BTBD8: variants seen among roughly 807,000 people sequenced by gnomAD.
BTBD8 encodes BTB domain containing 8, also known as BTB/POZ domain-containing protein 8.
BTBD8 carries 110 observed loss-of-function variants against 162.9 expected under a neutral mutation model. The observed-to-expected ratio is 0.68, with a 90% CI of 0.58 to 0.79. BTBD8 has a LOEUF of 0.79. BTBD8 is among the 30% of genes least tolerant of loss of function. The probability of loss-of-function intolerance (pLI) is 0.00; values close to 1 mark genes in which losing one functional copy is unlikely to be tolerated. For missense variants in BTBD8, 1,905 were observed against 2,085.4 expected (o/e 0.91, Z 1.68); for synonymous variants, 667 against 716.1 (o/e 0.93, Z 1.10).
intron 5 of BTBD8, among the ~76,000 whole-genome samples, chr1:92,136,442 T>C (rs1649637348): frequency 6.6e-6 from 1 of 152,096 alleles, no homozygotes; most frequent in South Asian, 2.1e-4. Context: ...TATTAGGTAC[T>C]ATGCTTAACA....
intron 6 of BTBD8, chr1:92,139,860 GGACGGATCACAAGATCAA>G (rs1649725350): frequency 6.8e-6 from 1 of 147,622 alleles, no homozygotes; most frequent in African/African-American, 2.5e-5. Context: ...AGGCTGAGGC[GGACGGATCACAAGATCAA>G]GAGATCGAGA....
intron 1 of BTBD8, among the ~76,000 whole-genome samples, chr1:92,083,824 G>T (rs1218933885): frequency 6.6e-6 from 1 of 152,188 alleles, no homozygotes; most frequent in Non-Finnish European, 1.5e-5. Flanking sequence ...CTTGGTGACT[G>T]ATGACATGCT....
chr1:92,180,666 G>T lies in BTBD8; in HGVS notation c.2983G>T (p.Ala995Ser). 5 of 1,551,314 alleles carry T rather than the reference G, an allele frequency of 3.2e-6. No individual in the cohort carries two copies. Among genetic ancestry groups the T allele is most frequent in the Non-Finnish European group, 4.4e-6 (5 of 1,146,908 alleles). ...GCCTCACAAACCTCTCATTAATCTT[G>T]CATCTGAAATAAGTGATGCAGAAGC... ...QKPHKPLINL[A>S]SEISDAEALQ... The change falls in exon 17 of 18, where the codon GCA becomes TCA. Residue 995 changes from alanine (A) to serine (S), a missense_variant. This residue lies in a region of BTBD8 where 1,374 missense variants were observed against 1,442.7 expected (regional missense o/e 0.95). Coordinates refer to ENST00000636805, the MANE Select transcript of BTBD8 (RefSeq NM_001376131.1).
At chr1:92,112,324 A>G (rs1648920071) in intron 4 of BTBD8, among the ~76,000 whole-genome samples, 1 of 152,126 alleles carries the variant, frequency 6.6e-6, no homozygotes, top group South Asian at 2.1e-4. Flanking sequence ...GGATCATTTG[A>G]GCCTAGGTGT....
At chr1:92,101,803 C>T (rs1648597357) in intron 2 of BTBD8, among the ~76,000 whole-genome samples, 1 of 151,726 alleles carries the variant, frequency 6.6e-6, no homozygotes, top group South Asian at 2.1e-4. Flanking sequence ...CTTAAATGAT[C>T]CTCCCACCTC....
At position 92,111,241 on chromosome 1, in the gene BTBD8, C is replaced by T. The variant is rs143521889; in HGVS notation, c.662+3240C>T. Among the ~76,000 whole-genome samples, 338 of 152,218 alleles carry T rather than the reference C, an allele frequency of 2.2e-3. 2 individuals are homozygous for T. Among genetic ancestry groups the T allele is most frequent in the Middle Eastern group, 0.01 (3 of 294 alleles). On this transcript the variant is annotated intron_variant, in intron 4 of 17. Coordinates refer to ENST00000636805, the MANE Select transcript of BTBD8 (RefSeq NM_001376131.1). ...CTCCTGACCTCGAGTAATCTGCCCACCTCAGCCTCCCAAAGTGCTAGGATT... is the reference window on the plus strand; with the variant it reads ...CTCCTGACCTCGAGTAATCTGCCCATCTCAGCCTCCCAAAGTGCTAGGATT...
intron 13 of BTBD8, among the ~76,000 whole-genome samples, chr1:92,175,329 A>G (rs2100683270): frequency 1.3e-5 from 2 of 152,010 alleles, no homozygotes; most frequent in East Asian, 3.9e-4. Flanking sequence ...AAATACAAAA[A>G]TTAGCTGGGC....
chr1:92,143,203 T>C (rs1415180648), intron 7 of BTBD8, among the ~76,000 whole-genome samples: 1 of 152,188 alleles, frequency 6.6e-6, no homozygotes, highest in Non-Finnish European at 1.5e-5. Context: ...CTCATGTTAG[T>C]GTCTTCTCTG....
chr1:92,088,747 A>G lies in BTBD8; in HGVS notation c.199A>G (p.Thr67Ala), dbSNP rs775390943. ...HTDVTFSVGC[T>A]LFKAHKAVLL... Reference sequence around the variant, plus strand: ...AGATGTTACCTTCTCTGTGGGTTGTACTTTGTTCAAAGCACACAAAGCAGT... The same window carrying G: ...AGATGTTACCTTCTCTGTGGGTTGTGCTTTGTTCAAAGCACACAAAGCAGT... Residue 67 changes from threonine to alanine, a missense_variant, in exon 2 of 18, where the codon ACT becomes GCT. Transcript: ENST00000636805. 1.9e-5 allele frequency: 30 copies of G among 1,612,596 alleles called. No individual in the cohort carries two copies. The highest frequency in any genetic ancestry group is 2.5e-5 in the Non-Finnish European group (29 of 1,179,108).
rs1268897991 is a variant in BTBD8 at position 92,180,666 on chromosome 1, G to A, written c.2983G>A (p.Ala995Thr). The A allele has an allele frequency of 7.7e-6, 12 of 1,551,196 alleles. No homozygotes were observed. The highest frequency in any genetic ancestry group is 2.7e-5 in the African/African-American group (2 of 72,980). ...QKPHKPLINLASEISDAEALQ... is the reference protein window; with the variant it reads ...QKPHKPLINLTSEISDAEALQ... Reference sequence around the variant, plus strand: ...GCCTCACAAACCTCTCATTAATCTTGCATCTGAAATAAGTGATGCAGAAGC... The same window carrying A: ...GCCTCACAAACCTCTCATTAATCTTACATCTGAAATAAGTGATGCAGAAGC... The change falls in exon 17 of 18, where the codon GCA becomes ACA. Residue 995 changes from alanine to threonine, a missense_variant. Ala to Thr is a moderately conservative substitution (Grantham distance 58). Coordinates refer to ENST00000636805, the MANE Select transcript of BTBD8 (RefSeq NM_001376131.1).
Position 92,183,824 on chromosome 1 carries a change from G to C in BTBD8, c.4913-40G>C, listed in dbSNP as rs146614434. 4,263 of 1,386,508 alleles carry C rather than the reference G, an allele frequency of 3.1e-3. 23 individuals carry two copies. Among genetic ancestry groups the C allele is most frequent in the Middle Eastern group, 0.01 (40 of 3,868 alleles). The allele number at this position is 1,386,508 out of a possible 1,614,324, so 85.9% of individuals were successfully genotyped here. On this transcript the variant is annotated intron_variant, in intron 17 of 17. Transcript: ENST00000636805. ...TCTACAAAACTCTGAGGGTACCAACGTGCAATTTTTACATTGTGTAGTATT... is the reference window on the plus strand; with the variant it reads ...TCTACAAAACTCTGAGGGTACCAACCTGCAATTTTTACATTGTGTAGTATT...
intron 2 of BTBD8, among the ~76,000 whole-genome samples, chr1:92,097,833 A>G (rs1238817645): frequency 6.6e-6 from 1 of 152,258 alleles, no homozygotes; most frequent in African/African-American, 2.4e-5. Context: ...GTCATACTAA[A>G]GGCTATGATT....
At chr1:92,172,291 A>G (rs1462153374) in intron 13 of BTBD8, among the ~76,000 whole-genome samples, 1 of 152,176 alleles carries the variant, frequency 6.6e-6, no homozygotes, top group African/African-American at 2.4e-5. Context: ...GAGTTGTTCA[A>G]TGAGTACAGA....
In BTBD8 at chr1:92,167,859, G is replaced by A. The variant is rs1557462578; in HGVS notation, c.1317G>A (p.Met439Ile). ...NFALLLQSQA[M>I]SSTADLLDTI... ...TCTGTGTTTTATAGTCACAAGCAAT[G>A]AGCAGCACAGCCGATCTGTTGGACA... Residue 439 changes from methionine to isoleucine, a missense_variant, in exon 11 of 18, where the codon ATG becomes ATA. Around this residue, in one of 3 missense-constraint regions of BTBD8, gnomAD observed 1,374 missense variants for 1,442.7 expected, o/e 0.95. Transcript: ENST00000636805. 2 of 1,549,526 alleles carry A rather than the reference G, an allele frequency of 1.3e-6. No homozygotes were observed. Among genetic ancestry groups the A allele is most frequent in the Admixed American group, 3.9e-5 (2 of 50,898 alleles).
chr1:92,149,964 C>G (rs1247473523), intron 9 of BTBD8, among the ~76,000 whole-genome samples: 3 of 152,170 alleles, frequency 2.0e-5, no homozygotes, highest in African/African-American at 7.2e-5. Context: ...CTTTCCTCTT[C>G]TCATCTGCCT....
chr1:92,165,372 A>G (rs1650362022), intron 9 of BTBD8, among the ~76,000 whole-genome samples: 1 of 152,202 alleles, frequency 6.6e-6, no homozygotes, highest in African/African-American at 2.4e-5. Flanking sequence ...GACATTAAAT[A>G]GTAATGTTCA....
chr1:92,108,147 AT>A, intron 4 of BTBD8, 146 bp downstream of exon 4: 1 of 781,602 alleles, frequency 1.3e-6, no homozygotes, highest in East Asian at 2.5e-5. Context: ...TTCCACTGTG[AT>A]TCCTCAGGGG....
At chr1:92,106,660 CAAAAAAAAAAAAA>C (rs60676530) in intron 3 of BTBD8, among the ~76,000 whole-genome samples, 41 of 9,952 alleles carry the variant, frequency 4.1e-3, no homozygotes, top group Middle Eastern at 0.056. Context: ...GACTCTGTCT[CAAAAAAAAAAAAA>C]AAAAAAAAAA....
intron 5 of BTBD8, 139 bp from the exon 6 acceptor site, chr1:92,139,211 A>G: frequency 2.5e-6 from 2 of 804,654 alleles, no homozygotes; most frequent in South Asian, 2.3e-5. Flanking sequence ...ACCTGCATGG[A>G]TGTTATTTGA....
Sources: allele counts gnomAD v4.1 joint callset (sites outside exome capture counted in the v4.1 genomes callset), GRCh38; gene constraint gnomAD v4.1.1; regional missense constraint gnomAD v4.1.1; transcripts MANE v1.5; gene names NCBI Gene and HGNC (gene_info 2026-07-23, HGNC 2026-07-21).